The following KCNQ1OT1 variants were observed in gnomAD, a reference collection of about 807,000 sequenced individuals.
KCNQ1OT1 encodes the protein KCNQ1 antisense RNA 2 (non-protein coding).
rs1262528625 is a variant in KCNQ1OT1 at position 2,683,843 on chromosome 11, C to T, written n.16152G>A. 1.3e-5 allele frequency: 5 copies of T among 398,530 alleles called. No homozygotes were observed. Among genetic ancestry groups the T allele is most frequent in the African/African-American group, 8.2e-5 (4 of 48,636 alleles). The allele number at this position is 398,530 out of a possible 1,614,324, so 24.7% of individuals were successfully genotyped here. ...CAGAATGGCTTTGTTGGATTCCCCT[C>T]CCTGGCCCCACACTCACTGCTACAT... is the stretch of plus-strand genomic sequence containing the variant. On this transcript the variant is annotated non_coding_transcript_exon_variant, in exon 1 of 1. Transcript: ENST00000597346. This position sits in a 1 kb window ranked among gnomAD's most constrained non-coding sequence, Gnocchi z 4.7.
chr11:2,640,562 CTTTTT>C lies in KCNQ1OT1; in HGVS notation n.59428_59432del, dbSNP rs58881533. On this transcript the variant is annotated non_coding_transcript_exon_variant, in exon 1 of 1. Transcript: ENST00000597346. Reference sequence around the variant, plus strand: ...TGGCCCCCCAAAGCACTGGGATTTCCTTTTTTTTTTTTTTTTGACCGATACATAAT... The same window carrying C: ...TGGCCCCCCAAAGCACTGGGATTTCCTTTTTTTTTTTGACCGATACATAAT... The C allele has an allele frequency of 2.1e-5, 8 of 385,794 alleles. No homozygotes were observed. The South Asian group carries it at 4.1e-4, about 20-fold the overall frequency. The allele number at this position is 385,794 out of a possible 1,614,324, so 23.9% of individuals were successfully genotyped here. A position where few individuals can be genotyped will look rare whatever the true frequency, so the allele number is the denominator to read the frequency against.
At chr11:2,656,030 C>T (rs1315760999) in exon 1 of KCNQ1OT1, 4 of 398,572 alleles carry the variant, frequency 1.0e-5, no homozygotes, top group African/African-American at 8.2e-5. Context: ...GAACCTTCCT[C>T]AGGGGTCAGG....
In KCNQ1OT1 at chr11:2,677,360, A is replaced by G. The variant is rs1471605951; in HGVS notation, n.22635T>C. On this transcript the variant is annotated non_coding_transcript_exon_variant, in exon 1 of 1. Coordinates refer to ENST00000597346, the Ensembl canonical transcript of KCNQ1OT1. This position sits in a 1 kb window ranked among gnomAD's most constrained non-coding sequence, Gnocchi z 4.5. ...AAATAGAGACTGGGCAGAGTAGACC[A>G]GTTAGTTAATCAGTTGAAGAGGAAA... 1 of 398,530 alleles carries G rather than the reference A, an allele frequency of 2.5e-6. No individual in the cohort carries two copies. The highest frequency in any genetic ancestry group is 4.4e-6 in the Non-Finnish European group (1 of 226,072). The allele number at this position is 398,530 out of a possible 1,614,324, so 24.7% of individuals were successfully genotyped here.
chr11:2,656,649 T>C, exon 1 of KCNQ1OT1: 1 of 398,610 alleles, frequency 2.5e-6, no homozygotes, highest in East Asian at 3.6e-5. Flanking sequence ...TATTGATTTG[T>C]AGGAGTCCTT....
At position 2,679,464 on chromosome 11, in the gene KCNQ1OT1, G is replaced by C. The variant is rs1850350259; in HGVS notation, n.20531C>G. ...GGATTACACAAATTAATAATATAAA[G>C]TATGCAGAAAAGTGCCTGTCCTATA... On this transcript the variant is annotated non_coding_transcript_exon_variant, in exon 1 of 1. Transcript: ENST00000597346. The surrounding 1 kb of genome is among the most constrained non-coding windows in gnomAD (Gnocchi z 4.8). The C allele has an allele frequency of 5.0e-6, 2 of 398,464 alleles. No homozygotes were observed. Among genetic ancestry groups the C allele is most frequent in the African/African-American group, 2.1e-5 (1 of 48,614 alleles). The allele number at this position is 398,464 out of a possible 1,614,324, so 24.7% of individuals were successfully genotyped here.
Position 2,669,837 on chromosome 11 carries a change from A to G in KCNQ1OT1, n.30158T>C, listed in dbSNP as rs774134221. On this transcript the variant is annotated non_coding_transcript_exon_variant, in exon 1 of 1. Coordinates refer to ENST00000597346, the Ensembl canonical transcript of KCNQ1OT1. The surrounding 1 kb of genome is among the most constrained non-coding windows in gnomAD (Gnocchi z 5.6). ...TGAGACTGCCAGGTCATGAGTTACCATGGGATACAAATGGGGTCACAACAT... is the reference window on the plus strand; with the variant it reads ...TGAGACTGCCAGGTCATGAGTTACCGTGGGATACAAATGGGGTCACAACAT... 5.5e-5 allele frequency: 22 copies of G among 398,490 alleles called. No individual in the cohort carries two copies. The highest frequency in any genetic ancestry group is 8.2e-5 in the African/African-American group (4 of 48,610). The allele number at this position is 398,490 out of a possible 1,614,324, so 24.7% of individuals were successfully genotyped here.
rs1849787567 is a variant in KCNQ1OT1, at chr11:2,653,381, G to A, written n.46614C>T. The stretch of plus-strand genomic sequence containing the variant: ...CCCCAACTTTGTCATGCACATTCCT[G>A]AAGACTCTCTTGGTAACAAATGATG... On this transcript the variant is annotated non_coding_transcript_exon_variant, in exon 1 of 1. Coordinates refer to ENST00000597346, the Ensembl canonical transcript of KCNQ1OT1. This position sits in a 1 kb window ranked among gnomAD's most constrained non-coding sequence, Gnocchi z 5.3. The A allele has an allele frequency of 2.5e-6, 1 of 398,726 alleles. No homozygotes were observed. The highest frequency in any genetic ancestry group is 3.6e-5 in the East Asian group (1 of 28,086). 24.7% of individuals were successfully genotyped at this position (398,726 alleles called of 1,614,324 possible).
At position 2,645,846 on chromosome 11, in the gene KCNQ1OT1, G is replaced by A. The variant is rs1237733482; in HGVS notation, n.54149C>T. The A allele has an allele frequency of 5.0e-6, 2 of 398,516 alleles. No homozygotes were observed. The highest frequency in any genetic ancestry group is 4.4e-6 in the Non-Finnish European group (1 of 226,132). 24.7% of individuals were successfully genotyped at this position (398,516 alleles called of 1,614,324 possible). A position where few individuals can be genotyped will look rare whatever the true frequency, so the allele number is the denominator to read the frequency against. ...TCCTGAAGTTGCCTGAGGATTCAGGGGATGTGTGAATTGCCTGAGGATTCA... is the reference window on the plus strand; with the variant it reads ...TCCTGAAGTTGCCTGAGGATTCAGGAGATGTGTGAATTGCCTGAGGATTCA... On this transcript the variant is annotated non_coding_transcript_exon_variant, in exon 1 of 1. Transcript: ENST00000597346. This position sits in a 1 kb window ranked among gnomAD's most constrained non-coding sequence, Gnocchi z 5.8.
At chr11:2,644,711 T>G (rs1849640078) in exon 1 of KCNQ1OT1, 1 of 398,640 alleles carries the variant, frequency 2.5e-6, no homozygotes, top group Non-Finnish European at 4.4e-6. Flanking sequence ...AAGAGAGTCT[T>G]GTTCCTGAAG....
rs908880388 is a variant in KCNQ1OT1 at position 2,611,561 on chromosome 11, G to T, written n.88434C>A. 7.5e-6 allele frequency: 3 copies of T among 398,328 alleles called. No individual in the cohort carries two copies. The highest frequency in any genetic ancestry group is 3.6e-5 in the East Asian group (1 of 28,090). 24.7% of individuals were successfully genotyped at this position (398,328 alleles called of 1,614,324 possible). ...CACTCTAGCTTTCTTATTACTGTTT[G>T]CATGTCATCTTTTTCCATCATTTTA... On this transcript the variant is annotated non_coding_transcript_exon_variant, in exon 1 of 1. Coordinates refer to ENST00000597346, the Ensembl canonical transcript of KCNQ1OT1. This position sits in a 1 kb window ranked among gnomAD's most constrained non-coding sequence, Gnocchi z 5.3.
At chr11:2,632,886 G>A (rs1849384442) in exon 1 of KCNQ1OT1, 1 of 398,448 alleles carries the variant, frequency 2.5e-6, no homozygotes, top group Non-Finnish European at 4.4e-6. Flanking sequence ...ACATGAGAAT[G>A]CAAATATCTT....
Position 2,613,325 on chromosome 11 carries a change from T to C in KCNQ1OT1, n.86670A>G. ...TCTCCAGAATTCCTTTTAAAATTTT[T>C]CTTAATCTGTCGCTTGCCCAACCAG... On this transcript the variant is annotated non_coding_transcript_exon_variant, in exon 1 of 1. Coordinates refer to ENST00000597346, the Ensembl canonical transcript of KCNQ1OT1. The surrounding 1 kb of genome is among the most constrained non-coding windows in gnomAD (Gnocchi z 4.8). 2.5e-6 allele frequency: 1 copy of C among 398,604 alleles called. No homozygotes were observed. Among genetic ancestry groups the C allele is most frequent in the East Asian group, 3.6e-5 (1 of 28,074 alleles). The allele number at this position is 398,604 out of a possible 1,614,324, so 24.7% of individuals were successfully genotyped here.
exon 1 of KCNQ1OT1, chr11:2,649,042 T>C (rs548745912): frequency 2.5e-6 from 1 of 394,560 alleles, no homozygotes; most frequent in African/African-American, 2.1e-5. Context: ...CTGCATGCTT[T>C]TGGTGTCTGT....
exon 1 of KCNQ1OT1, chr11:2,628,082 A>G (rs1849289867): frequency 5.0e-6 from 2 of 398,500 alleles, no homozygotes; most frequent in Non-Finnish European, 8.8e-6. Flanking sequence ...TGACTACTGT[A>G]ACACTACAAT....
rs748838409 is a variant in KCNQ1OT1 at position 2,663,783 on chromosome 11, G to T, written n.36212C>A. On this transcript the variant is annotated non_coding_transcript_exon_variant, in exon 1 of 1. Transcript: ENST00000597346. The surrounding 1 kb of genome is among the most constrained non-coding windows in gnomAD (Gnocchi z 5.2). The stretch of plus-strand genomic sequence containing the variant: ...GTGGATCACAGCCAAACTTGCAGCT[G>T]CCCAGTAAATCACCACTATGGGGGT... 116 of 398,588 alleles carry T rather than the reference G, an allele frequency of 2.9e-4. No individual in the cohort carries two copies. Among genetic ancestry groups the T allele is most frequent in the Non-Finnish European group, 4.6e-4 (103 of 226,150 alleles). The allele number at this position is 398,588 out of a possible 1,614,324, so 24.7% of individuals were successfully genotyped here.
exon 1 of KCNQ1OT1, chr11:2,618,760 A>G (rs1033199319): frequency 1.5e-5 from 6 of 398,356 alleles, no homozygotes; most frequent in African/African-American, 1.2e-4. Context: ...TTCAATCTGT[A>G]TATTGATTTG....
chr11:2,632,671 G>A (rs568108933), exon 1 of KCNQ1OT1: 1 of 398,352 alleles, frequency 2.5e-6, no homozygotes, highest in Admixed American at 4.4e-5. Context: ...TTTGTGAGCA[G>A]TCAAAATCCT....
In KCNQ1OT1 at chr11:2,663,592, C is replaced by A. The variant is rs1341698419; in HGVS notation, n.36403G>T. The stretch of plus-strand genomic sequence containing the variant: ...TGCTTCTCCTGTTGGAGCTCTCGCT[C>A]ACCTTGGTTCTCTTGGTCACGGACC... On this transcript the variant is annotated non_coding_transcript_exon_variant, in exon 1 of 1. Coordinates refer to ENST00000597346, the Ensembl canonical transcript of KCNQ1OT1. This position sits in a 1 kb window ranked among gnomAD's most constrained non-coding sequence, Gnocchi z 5.2. The A allele has an allele frequency of 2.5e-6, 1 of 398,616 alleles. No individual in the cohort carries two copies. Among genetic ancestry groups the A allele is most frequent in the Admixed American group, 4.4e-5 (1 of 22,742 alleles). 24.7% of individuals were successfully genotyped at this position (398,616 alleles called of 1,614,324 possible). A position where few individuals can be genotyped will look rare whatever the true frequency, so the allele number is the denominator to read the frequency against.
At position 2,645,653 on chromosome 11, in the gene KCNQ1OT1, G is replaced by A. The variant is rs900967401; in HGVS notation, n.54342C>T. The A allele has an allele frequency of 7.5e-6, 3 of 398,672 alleles. No homozygotes were observed. Among genetic ancestry groups the A allele is most frequent in the African/African-American group, 6.2e-5 (3 of 48,642 alleles). The allele number at this position is 398,672 out of a possible 1,614,324, so 24.7% of individuals were successfully genotyped here. A position where few individuals can be genotyped will look rare whatever the true frequency, so the allele number is the denominator to read the frequency against. On this transcript the variant is annotated non_coding_transcript_exon_variant, in exon 1 of 1. Transcript: ENST00000597346. The surrounding 1 kb of genome is among the most constrained non-coding windows in gnomAD (Gnocchi z 5.8). ...TTCCTCATGGCAGCCTTGCTTCGGA[G>A]GTAGCAGAGTATTGCCAATGGCTCA...
Sources: allele counts gnomAD v4.1 joint callset, GRCh38; gene constraint gnomAD v4.1.1; non-coding constraint Gnocchi (gnomAD v3.1); transcripts MANE v1.5; gene names NCBI Gene and HGNC (gene_info 2026-07-23, HGNC 2026-07-21).